The following CNTLN variants were observed in gnomAD, a reference collection of about 807,000 sequenced individuals.
CNTLN encodes centlein, centrosomal protein.
CNTLN carries 212 observed loss-of-function variants against 180.0 expected under a neutral mutation model. The ratio of observed to expected loss-of-function variants is 1.18; its 90% CI spans 1.05 to 1.32. CNTLN has a LOEUF of 1.32. Among genes scored for constraint, CNTLN ranks in the 40% most tolerant of loss-of-function variants. CNTLN has a pLI of 0.00. For synonymous variants in CNTLN, 722 were observed against 563.1 expected (o/e 1.28, Z -3.99); for missense variants, 2,095 against 1,610.9 (o/e 1.30, Z -5.14).
At chr9:17,471,156 T>C (rs1475124292) in intron 23 of CNTLN, among the ~76,000 whole-genome samples, 2 of 152,076 alleles carry the variant, frequency 1.3e-5, no homozygotes, top group African/African-American at 4.8e-5. Flanking sequence ...AAAACCTGTT[T>C]TTTAAAAATT....
intron 25 of CNTLN, chr9:17,487,289 A>T: frequency 2.0e-6 from 1 of 497,736 alleles, no homozygotes; most frequent in Non-Finnish European, 3.6e-6. Flanking sequence ...GGGTCTTAGC[A>T]AATGCATTAA....
At chr9:17,308,090 C>T (rs759001980) in intron 7 of CNTLN, among the ~76,000 whole-genome samples, 5 of 150,960 alleles carry the variant, frequency 3.3e-5, no homozygotes, top group Non-Finnish European at 4.4e-5. Flanking sequence ...AAATCAACTA[C>T]CAGAGATTGG....
At chr9:17,171,384 G>A (rs1257580948) in intron 2 of CNTLN, among the ~76,000 whole-genome samples, 1 of 152,170 alleles carries the variant, frequency 6.6e-6, no homozygotes, top group Non-Finnish European at 1.5e-5. Context: ...CCAAGCTTTG[G>A]TGAGGATACA....
At chr9:17,162,579 G>A (rs1415441733) in intron 2 of CNTLN, among the ~76,000 whole-genome samples, 12 of 152,170 alleles carry the variant, frequency 7.9e-5, no homozygotes, top group Non-Finnish European at 1.5e-5. Context: ...CTGGAATAGT[G>A]GTCTTCAGGG....
At chr9:17,357,086 C>T (rs548561304) in intron 12 of CNTLN, among the ~76,000 whole-genome samples, 1 of 152,060 alleles carries the variant, frequency 6.6e-6, no homozygotes, top group Non-Finnish European at 1.5e-5. Context: ...CTAGGTGCTT[C>T]ATGTAAGTGG....
intron 12 of CNTLN, among the ~76,000 whole-genome samples, chr9:17,351,080 A>G (rs967954569): frequency 1.3e-5 from 2 of 152,198 alleles, no homozygotes; most frequent in African/African-American, 4.8e-5. Context: ...AGTATATGAA[A>G]AAGCTGGTCA....
chr9:17,301,351 A>G, intron 7 of CNTLN: 2 of 985,390 alleles, frequency 2.0e-6, no homozygotes, highest in Non-Finnish European at 2.4e-6. Context: ...ATTATAGAAA[A>G]TGAGAGATGT....
chr9:17,293,069 C>A (rs951301621), intron 6 of CNTLN, among the ~76,000 whole-genome samples: 1 of 152,218 alleles, frequency 6.6e-6, no homozygotes, highest in Non-Finnish European at 1.5e-5. Flanking sequence ...AGACCCTATT[C>A]ACTTGGGTCC....
chr9:17,376,990 T>A (rs1587823924), intron 13 of CNTLN, among the ~76,000 whole-genome samples: 1 of 152,320 alleles, frequency 6.6e-6, no homozygotes, highest in East Asian at 1.9e-4. Context: ...CACCTTGCTA[T>A]GCAAGATGGA....
chr9:17,449,985 A>T (rs1232050671), intron 18 of CNTLN, among the ~76,000 whole-genome samples: 1 of 152,252 alleles, frequency 6.6e-6, no homozygotes, highest in Non-Finnish European at 1.5e-5. Context: ...ATATTTAAAC[A>T]CAGTTACAAA....
At chr9:17,141,499 A>C (rs1336342063) in intron 1 of CNTLN, among the ~76,000 whole-genome samples, 1 of 152,170 alleles carries the variant, frequency 6.6e-6, no homozygotes, top group Non-Finnish European at 1.5e-5. Flanking sequence ...CTGTGTGAAC[A>C]AGGAGGAAAG....
At chr9:17,344,263 T>C (rs1445981306) in intron 12 of CNTLN, among the ~76,000 whole-genome samples, 1 of 152,202 alleles carries the variant, frequency 6.6e-6, no homozygotes, top group Non-Finnish European at 1.5e-5. Flanking sequence ...ACTTTACAAA[T>C]AGCTCCTTGA....
intron 12 of CNTLN, among the ~76,000 whole-genome samples, chr9:17,346,337 T>G (rs1363043056): frequency 2.0e-5 from 3 of 151,942 alleles, no homozygotes; most frequent in Non-Finnish European, 4.4e-5. Context: ...TAGCATGAGA[T>G]CTCACTAGCA....
intron 18 of CNTLN, among the ~76,000 whole-genome samples, chr9:17,429,289 T>C (rs2133970793): frequency 6.6e-6 from 1 of 152,140 alleles, no homozygotes; most frequent in Non-Finnish European, 1.5e-5. Context: ...TGGAGACTTC[T>C]TAGCTATAAC....
chr9:17,325,376 GTA>G (rs1378371053), intron 8 of CNTLN, among the ~76,000 whole-genome samples: 2,207 of 49,060 alleles, frequency 0.045, 23 homozygotes, highest in Middle Eastern at 0.11. Flanking sequence ...GCATGTGTAT[GTA>G]TGTGTGTGTG....
chr9:17,422,316 C>T (rs1828778208), intron 18 of CNTLN, among the ~76,000 whole-genome samples: 1 of 151,850 alleles, frequency 6.6e-6, no homozygotes, highest in Admixed American at 6.6e-5. Flanking sequence ...CTTTCTTTAT[C>T]CTTGACCTTT....
chr9:17,221,854 C>T (rs1055718120), intron 2 of CNTLN, among the ~76,000 whole-genome samples: 1 of 152,054 alleles, frequency 6.6e-6, no homozygotes, highest in African/African-American at 2.4e-5. Context: ...AAAGTGGAAA[C>T]TCTTAGAAGG....
intron 2 of CNTLN, among the ~76,000 whole-genome samples, chr9:17,212,590 C>T (rs1302949730): frequency 2.6e-5 from 4 of 152,118 alleles, no homozygotes; most frequent in African/African-American, 4.8e-5. Context: ...AGGGAGGATT[C>T]CCTCTTTTTC....
intron 2 of CNTLN, among the ~76,000 whole-genome samples, chr9:17,175,932 A>G (rs114160946): frequency 2.9e-3 from 442 of 152,190 alleles, no homozygotes; most frequent in African/African-American, 9.9e-3. Flanking sequence ...AATATATAGA[A>G]TAAGGATTTC....
Sources: gnomAD v4.1 joint callset for allele counts (sites outside exome capture counted in the v4.1 genomes callset) on GRCh38, gnomAD v4.1.1 for gene constraint, MANE v1.5 for transcripts, NCBI Gene and HGNC (gene_info 2026-07-23, HGNC 2026-07-21) for gene names.